Variants in TAFA2 observed in about 807,000 individuals in gnomAD.
TAFA2 encodes TAFA chemokine like family member 2, also known as chemokine-like protein TAFA-2.
In TAFA2, 7 loss-of-function variants were observed where a neutral mutation model predicts 18.8. That is an observed-to-expected ratio of 0.37 (90% CI 0.21 to 0.70). The LOEUF (loss-of-function observed/expected upper bound fraction) is 0.70. Among genes scored for constraint, TAFA2 ranks in the 30% least tolerant of loss-of-function variants. The pLI is 0.53. For synonymous variants in TAFA2, 60 were observed against 54.2 expected, an observed-to-expected ratio of 1.11 and a Z score of -0.47; for missense variants, 122 against 158.1, an observed-to-expected ratio of 0.77 and a Z score of 1.23.
chr12:61,903,568 C>T (rs936144772), intron 1 of TAFA2, among the ~76,000 whole-genome samples: 1 of 152,106 alleles, frequency 6.6e-6, no homozygotes, highest in South Asian at 2.1e-4. Context: ...CACTGGCTGG[C>T]TCAATAAATA....
At chr12:62,095,100 A>G (rs544421410) in intron 1 of TAFA2, among the ~76,000 whole-genome samples, 1 of 152,202 alleles carries the variant, frequency 6.6e-6, no homozygotes, top group South Asian at 2.1e-4. Flanking sequence ...GTGACATAGT[A>G]AAAGTGTCCT....
chr12:62,249,062 A>G (rs2062899461), intron 1 of TAFA2, among the ~76,000 whole-genome samples: 1 of 152,052 alleles, frequency 6.6e-6, no homozygotes, highest in Non-Finnish European at 1.5e-5. Flanking sequence ...AATTGTTTAA[A>G]AATTTTTTTT....
At chr12:62,227,676 C>A (rs750947480) in intron 1 of TAFA2, among the ~76,000 whole-genome samples, 30 of 152,148 alleles carry the variant, frequency 2.0e-4, no homozygotes, top group Non-Finnish European at 1.9e-4. Flanking sequence ...CTTTTGAGGT[C>A]TTATCCAAAA....
chr12:62,069,985 G>A (rs1205076832), intron 1 of TAFA2, among the ~76,000 whole-genome samples: 2 of 152,316 alleles, frequency 1.3e-5, no homozygotes, highest in East Asian at 3.9e-4. Context: ...TTGCATGCAA[G>A]TTTTGGGAGT....
chr12:61,958,990 T>G (rs1878791010), intron 1 of TAFA2, among the ~76,000 whole-genome samples: 1 of 152,014 alleles, frequency 6.6e-6, no homozygotes. Flanking sequence ...TTGCAGCCGC[T>G]ATATTTGCCA....
intron 1 of TAFA2, among the ~76,000 whole-genome samples, chr12:61,976,479 C>A (rs1200022921): frequency 6.6e-6 from 1 of 151,884 alleles, no homozygotes; most frequent in Non-Finnish European, 1.5e-5. Context: ...ACACACAAAT[C>A]ATCTAAACAG....
At chr12:61,726,020 C>CTT (rs56346396) in intron 4 of TAFA2, among the ~76,000 whole-genome samples, 1 of 143,844 alleles carries the variant, frequency 7.0e-6, no homozygotes, top group Non-Finnish European at 1.5e-5. Context: ...TTTCTTTTTT[C>CTT]TTTTTTTTTT....
intron 1 of TAFA2, among the ~76,000 whole-genome samples, chr12:61,976,973 G>A (rs981389408): frequency 2.6e-5 from 4 of 151,956 alleles, no homozygotes; most frequent in Admixed American, 6.6e-5. Context: ...GAATAGTGCC[G>A]TAATAAACAT....
At chr12:61,754,816 T>C in intron 3 of TAFA2, 56 bp downstream of exon 3, 2 of 1,581,366 alleles carry the variant, frequency 1.3e-6, no homozygotes, top group Non-Finnish European at 1.7e-6. Flanking sequence ...AGTGGGGTTC[T>C]AGTTCTAAGC....
intron 1 of TAFA2, among the ~76,000 whole-genome samples, chr12:62,249,122 G>T (rs1274427198): frequency 6.6e-6 from 1 of 151,520 alleles, no homozygotes; most frequent in Admixed American, 6.6e-5. Context: ...TACCTAAAAT[G>T]TTACCACACA....
At chr12:62,076,714 T>C (rs1233672637) in intron 1 of TAFA2, among the ~76,000 whole-genome samples, 2 of 152,208 alleles carry the variant, frequency 1.3e-5, no homozygotes, top group African/African-American at 2.4e-5. Flanking sequence ...CTAAATACTT[T>C]CTTCCACAGA....
chr12:61,779,729 A>G (rs1185421066), intron 2 of TAFA2, among the ~76,000 whole-genome samples: 2 of 151,828 alleles, frequency 1.3e-5, no homozygotes, highest in Non-Finnish European at 2.9e-5. Context: ...ATGAACATTC[A>G]GTGACATTCT....
chr12:61,956,952 T>A (rs1278584468), intron 1 of TAFA2, among the ~76,000 whole-genome samples: 1 of 152,172 alleles, frequency 6.6e-6, no homozygotes, highest in Non-Finnish European at 1.5e-5. Context: ...TACTATCTGC[T>A]TGCAGTGACT....
intron 2 of TAFA2, among the ~76,000 whole-genome samples, 158 bp downstream of exon 2, chr12:61,867,162 T>C (rs770388088): frequency 5.9e-4 from 90 of 152,206 alleles, no homozygotes; most frequent in Non-Finnish European, 1.0e-3. Context: ...ATCAAAGCCA[T>C]CTTAAAGATA....
At chr12:61,731,322 T>G (rs1870438839) in intron 4 of TAFA2, among the ~76,000 whole-genome samples, 1 of 152,102 alleles carries the variant, frequency 6.6e-6, no homozygotes, top group African/African-American at 2.4e-5. Context: ...TTTTGTTTTT[T>G]CTGGTACGTT....
chr12:62,235,380 C>T (rs2062832220), intron 1 of TAFA2: 1 of 645,156 alleles, frequency 1.6e-6, no homozygotes, highest in Non-Finnish European at 2.8e-6. Context: ...GGTGTGCACT[C>T]CGGAGCTTCC....
intron 2 of TAFA2, among the ~76,000 whole-genome samples, chr12:61,839,336 T>G (rs937995595): frequency 1.3e-5 from 2 of 152,068 alleles, no homozygotes; most frequent in African/African-American, 4.8e-5. Context: ...AGAAAGCAAT[T>G]TGGAGAGTTC....
chr12:62,030,903 C>T (rs570073325), intron 1 of TAFA2, among the ~76,000 whole-genome samples: 1 of 152,096 alleles, frequency 6.6e-6, no homozygotes, highest in Non-Finnish European at 1.5e-5. Context: ...CTGGAGCTTC[C>T]TCTTCACCCT....
At chr12:61,928,788 G>A (rs1054112312) in intron 1 of TAFA2, among the ~76,000 whole-genome samples, 21 of 151,906 alleles carry the variant, frequency 1.4e-4, no homozygotes, top group Admixed American at 7.9e-4. Context: ...ATGATAGACT[G>A]GATAATGAAA....
Sources: allele counts gnomAD v4.1 joint callset (sites outside exome capture counted in the v4.1 genomes callset), GRCh38; gene constraint gnomAD v4.1.1; transcripts MANE v1.5; gene names NCBI Gene and HGNC (gene_info 2026-07-23, HGNC 2026-07-21).